Variants in GSN observed in about 807,000 individuals in gnomAD.
GSN encodes gelsolin, also known as actin-depolymerizing factor.
Under a neutral mutation model 85.7 loss-of-function variants are expected in GSN, and 56 were observed. That is an observed-to-expected ratio of 0.65 (90% CI 0.53 to 0.82). GSN has a LOEUF of 0.82. GSN is among the 40% of genes least tolerant of loss of function. GSN has a pLI of 0.00. For synonymous variants in GSN, 373 were observed against 399.1 expected (o/e 0.93, Z 0.78); for missense variants, 857 against 979.8 (o/e 0.87, Z 1.67).
At chr9:121,305,755 T>C (rs2060343386) in intron 4 of GSN, among the ~76,000 whole-genome samples, 1 of 152,230 alleles carries the variant, frequency 6.6e-6, no homozygotes, top group African/African-American at 2.4e-5. Flanking sequence ...GCTCCTGGTG[T>C]GAATGGGAGG....
At position 121,332,762 on chromosome 9, in the gene GSN, CA is replaced by C. The variant is rs1199192888; in HGVS notation, c.*164del. 1 of 610,276 alleles carries C rather than the reference CA, an allele frequency of 1.6e-6. No individual in the cohort carries two copies. 37.8% of individuals were successfully genotyped at this position (610,276 alleles called of 1,614,324 possible). ...TTTACAGTATCCAAAAATAGCCCTG[CA>C]AAAATTCAGAGTCCTTGCAAAATTG... On this transcript the variant is annotated 3_prime_UTR_variant, in exon 18 of 18. Coordinates refer to ENST00000432226, the MANE Select transcript of GSN (RefSeq NM_198252.3). This position sits in a 1 kb window ranked among gnomAD's most constrained non-coding sequence, Gnocchi z 4.8.
intron 6 of GSN, among the ~76,000 whole-genome samples, chr9:121,258,232 G>A (rs757561485): frequency 2.0e-5 from 3 of 152,190 alleles, no homozygotes; most frequent in East Asian, 3.9e-4. Flanking sequence ...TGAGGCAGGC[G>A]GATTACTTGA....
chr9:121,223,106 T>C (rs2054202077), intron 4 of GSN: 1 of 152,248 alleles, frequency 6.6e-6, no homozygotes, highest in Middle Eastern at 3.4e-3. Context: ...CATATAGCCG[T>C]TACACTCCGC....
At chr9:121,209,641 G>A (rs79651242) in intron 2 of GSN, among the ~76,000 whole-genome samples, 3,435 of 152,268 alleles carry the variant, frequency 0.023, 122 homozygotes, top group African/African-American at 0.079. Flanking sequence ...GGAAACAGCA[G>A]CATTTAATAC....
intron 7 of GSN, among the ~76,000 whole-genome samples, chr9:121,315,927 C>T (rs1380464241): frequency 2.0e-5 from 3 of 152,136 alleles, no homozygotes; most frequent in East Asian, 1.9e-4. Flanking sequence ...AGTAACAGAA[C>T]TATCATATGC....
At chr9:121,331,257 T>G (rs1274565796) in intron 16 of GSN, 131 bp from the exon 17 acceptor site, 42 of 689,588 alleles carry the variant, frequency 6.1e-5, no homozygotes. Flanking sequence ...CCTTCCAGTC[T>G]TAGTTCATGG....
Position 121,286,731 on chromosome 9 carries a change from A to C in GSN, c.-10+5169A>C, listed in dbSNP as rs1019220745. The C allele has an allele frequency of 4.4e-5, 67 of 1,535,310 alleles. No individual in the cohort carries two copies. The African/African-American group carries it at 8.8e-4, about 20-fold the overall frequency. On this transcript the variant is annotated intron_variant, in intron 2 of 17. Transcript: ENST00000432226. ...GGCCATCATTCTCCTTACCTGTCTG[A>C]TGAGAGCTGATCTTCATGCCACTGT...
intron 4 of GSN, among the ~76,000 whole-genome samples, chr9:121,224,636 T>G (rs2054238481): frequency 6.6e-6 from 1 of 151,524 alleles, no homozygotes; most frequent in South Asian, 2.1e-4. Flanking sequence ...CTGCCACCAA[T>G]GTTGCTTTTA....
intron 6 of GSN, among the ~76,000 whole-genome samples, chr9:121,259,956 A>G (rs1588505464): frequency 1.3e-5 from 2 of 152,342 alleles, no homozygotes; most frequent in Non-Finnish European, 1.5e-5. Context: ...CCATCCCTAC[A>G]GGGGGACATG....
At position 121,324,590 on chromosome 9, in the gene GSN, A is replaced by G. The variant is rs1338378810; in HGVS notation, c.1362A>G (p.Ala454=). Residue 454 remains alanine, a synonymous_variant, in exon 12 of 18, where the codon GCA becomes GCG. Coordinates refer to ENST00000432226, the MANE Select transcript of GSN (RefSeq NM_198252.3). The part of the protein sequence containing the change: ...GAQSTQDEVA[A]SAILTAQLDE... The stretch of plus-strand genomic sequence containing the variant: ...AGTCTACCCAGGATGAGGTCGCTGC[A>G]TCTGCCATCCTGACTGCTCAGCTGG... 1.3e-6 allele frequency: 2 copies of G among 1,547,716 alleles called. No homozygotes were observed. The highest frequency in any genetic ancestry group is 2.0e-5 in the Admixed American group (1 of 51,204).
chr9:121,292,661 G>C (rs2058806038), intron 2 of GSN, among the ~76,000 whole-genome samples: 1 of 152,194 alleles, frequency 6.6e-6, no homozygotes, highest in African/African-American at 2.4e-5. Context: ...AAGTTCCCTG[G>C]TGGTAGGGAT....
chr9:121,253,768 G>T (rs2054890058), intron 6 of GSN, among the ~76,000 whole-genome samples: 1 of 152,188 alleles, frequency 6.6e-6, no homozygotes, highest in Admixed American at 6.5e-5. Flanking sequence ...CTGTGACAAT[G>T]ACTCAAGTCT....
At chr9:121,230,199 GATAT>G (rs2054360219) in intron 4 of GSN, among the ~76,000 whole-genome samples, 2 of 152,172 alleles carry the variant, frequency 1.3e-5, no homozygotes, top group Non-Finnish European at 2.9e-5. Flanking sequence ...TCTGGTACCA[GATAT>G]TCCAGGCTCA....
intron 4 of GSN, among the ~76,000 whole-genome samples, chr9:121,223,605 A>G (rs147860549): frequency 6.6e-6 from 1 of 152,296 alleles, no homozygotes; most frequent in African/African-American, 2.4e-5. Flanking sequence ...TTATATAAGT[A>G]TTATGTCACT....
In GSN at chr9:121,302,065, A is replaced by G; in HGVS notation, c.94A>G (p.Thr32Ala). The G allele has an allele frequency of 6.2e-7, 1 of 1,614,228 alleles. No homozygotes were observed. Among genetic ancestry groups the G allele is most frequent in the Non-Finnish European group, 8.5e-7 (1 of 1,180,030 alleles). The change falls in exon 3 of 18, where the codon ACC becomes GCC. Residue 32 changes from threonine to alanine, a missense_variant. Transcript: ENST00000432226. The stretch of plus-strand genomic sequence containing the variant: ...GAAGTTCGATCTGGTGCCCGTGCCC[A>G]CCAACCTTTATGGAGACTTCTTCAC... The part of the protein sequence containing the change: ...VEKFDLVPVP[T>A]NLYGDFFTGD...
chr9:121,331,246 T>A (rs2063850526), intron 16 of GSN, 142 bp from the exon 17 acceptor site: 10 of 661,310 alleles, frequency 1.5e-5, no homozygotes, highest in Middle Eastern at 3.0e-4. Flanking sequence ...CTGTTCCAAA[T>A]CCTTCCAGTC....
intron 5 of GSN, among the ~76,000 whole-genome samples, chr9:121,236,380 C>T (rs12351461): frequency 0.037 from 5,579 of 151,920 alleles, 304 homozygotes; most frequent in Admixed American, 0.14. Flanking sequence ...CTACCACGGC[C>T]GGCAAATTTT....
chr9:121,275,101 T>C (rs762172235), intron 1 of GSN, among the ~76,000 whole-genome samples: 1 of 152,242 alleles, frequency 6.6e-6, no homozygotes, highest in African/African-American at 2.4e-5. Flanking sequence ...TGTCCTTTTA[T>C]AGAATAGAGT....
intron 6 of GSN, among the ~76,000 whole-genome samples, chr9:121,260,727 G>T (rs751966999): frequency 1.4e-4 from 21 of 152,228 alleles, no homozygotes; most frequent in African/African-American, 4.8e-4. Context: ...GAGACACGGG[G>T]TGGAACTCGG....
Sources: allele counts gnomAD v4.1 joint callset (sites outside exome capture counted in the v4.1 genomes callset), GRCh38; gene constraint gnomAD v4.1.1; non-coding constraint Gnocchi (gnomAD v3.1); transcripts MANE v1.5; gene names NCBI Gene and HGNC (gene_info 2026-07-23, HGNC 2026-07-21).